FBXL13: variants seen among roughly 807,000 people sequenced by gnomAD.
FBXL13 encodes the protein F-box and leucine rich repeat protein 13.
Under a neutral mutation model 83.6 loss-of-function variants are expected in FBXL13, and 67 were observed. The observed-to-expected ratio is 0.80, with a 90% CI of 0.66 to 0.98. The LOEUF is 0.98. Among genes scored for constraint, FBXL13 ranks in the 50% least tolerant of loss-of-function variants. The pLI, the probability that FBXL13 is intolerant of heterozygous loss-of-function variation, is 0.00. For missense variants in FBXL13, 822 were observed against 866.5 expected (o/e 0.95, Z 0.64); for synonymous variants, 272 against 299.5 (o/e 0.91, Z 0.95).
At chr7:102,977,650 T>C (rs1366731040) in intron 6 of FBXL13, among the ~76,000 whole-genome samples, 1 of 152,222 alleles carries the variant, frequency 6.6e-6, no homozygotes, top group East Asian at 1.9e-4. Flanking sequence ...TACAGTTAAC[T>C]ATGTTTATTG....
chr7:102,841,272 C>A (rs1452689673), intron 17 of FBXL13, among the ~76,000 whole-genome samples: 1 of 150,656 alleles, frequency 6.6e-6, no homozygotes, highest in African/African-American at 2.4e-5. Flanking sequence ...TAACTTTTGG[C>A]AAGTTTCATC....
At chr7:102,832,006 T>C (rs1279634369) in intron 18 of FBXL13, among the ~76,000 whole-genome samples, 2 of 152,202 alleles carry the variant, frequency 1.3e-5, no homozygotes, top group Non-Finnish European at 2.9e-5. Context: ...ATTCTATTAT[T>C]TTAAAAAACA....
At chr7:102,925,261 G>A (rs1257214364) in intron 10 of FBXL13, among the ~76,000 whole-genome samples, 1 of 152,052 alleles carries the variant, frequency 6.6e-6, no homozygotes, top group African/African-American at 2.4e-5. Flanking sequence ...TGGGCATGGT[G>A]GCATGCTCCT....
At chr7:103,011,609 GC>G (rs1459070766) in intron 6 of FBXL13, among the ~76,000 whole-genome samples, 1 of 149,234 alleles carries the variant, frequency 6.7e-6, no homozygotes, top group African/African-American at 2.5e-5. Context: ...CTACACTCCA[GC>G]CTGGGAGACA....
intron 2 of FBXL13, among the ~76,000 whole-genome samples, chr7:103,052,846 T>A (rs1796962808): frequency 6.7e-6 from 1 of 149,482 alleles, no homozygotes; most frequent in East Asian, 2.0e-4. Flanking sequence ...AACCTCCGCC[T>A]CCCAGGTTCA....
chr7:102,812,903 C>T (rs927742168), downstream of FBXL13, among the ~76,000 whole-genome samples: 8 of 145,050 alleles, frequency 5.5e-5, no homozygotes, highest in African/African-American at 1.6e-4. Flanking sequence ...AATGCAGTGA[C>T]GTGATCTAGG....
chr7:102,948,477 G>A (rs2129476736), intron 8 of FBXL13, among the ~76,000 whole-genome samples: 1 of 152,110 alleles, frequency 6.6e-6, no homozygotes, highest in African/African-American at 2.4e-5. Flanking sequence ...AGGGTGGAGT[G>A]CAGTGGCATG....
intron 8 of FBXL13, among the ~76,000 whole-genome samples, chr7:102,936,798 T>C (rs1026579354): frequency 8.0e-5 from 12 of 149,550 alleles, no homozygotes; most frequent in African/African-American, 3.0e-4. Flanking sequence ...TTAAAACTTC[T>C]ACAACGAGAC....
At chr7:102,964,155 A>T (rs1428030602) in intron 7 of FBXL13, among the ~76,000 whole-genome samples, 2 of 151,850 alleles carry the variant, frequency 1.3e-5, no homozygotes, top group Non-Finnish European at 2.9e-5. Context: ...TACTAGAAAT[A>T]CAAAAATTAG....
intron 6 of FBXL13, among the ~76,000 whole-genome samples, chr7:103,008,497 AC>A (rs1465586099): frequency 6.6e-6 from 1 of 152,200 alleles, no homozygotes; most frequent in African/African-American, 2.4e-5. Flanking sequence ...TGTGTTTGCA[AC>A]TTTCCTATAA....
chr7:102,899,261 A>T (rs1812669740), intron 11 of FBXL13, among the ~76,000 whole-genome samples: 1 of 152,208 alleles, frequency 6.6e-6, no homozygotes, highest in African/African-American at 2.4e-5. Context: ...GAAATTACAG[A>T]CTCAACAGAG....
At chr7:103,006,361 G>C (rs542716141) in intron 6 of FBXL13, among the ~76,000 whole-genome samples, 2 of 152,280 alleles carry the variant, frequency 1.3e-5, no homozygotes, top group East Asian at 1.9e-4. Context: ...ATATCTACCA[G>C]GGACAAAACA....
At chr7:102,939,601 T>G (rs749936572) in intron 8 of FBXL13, 2 of 1,595,270 alleles carry the variant, frequency 1.3e-6, no homozygotes, top group Non-Finnish European at 1.7e-6. Flanking sequence ...TTCCCCTGTA[T>G]AGCCCCTTCA....
chr7:102,852,205 A>G (rs1024448524), intron 17 of FBXL13, among the ~76,000 whole-genome samples: 1 of 152,174 alleles, frequency 6.6e-6, no homozygotes, highest in African/African-American at 2.4e-5. Context: ...ATAAATCTCA[A>G]TCACTTTGGC....
At chr7:102,869,666 T>C (rs1229451966) in intron 16 of FBXL13, among the ~76,000 whole-genome samples, 1 of 152,146 alleles carries the variant, frequency 6.6e-6, no homozygotes, top group African/African-American at 2.4e-5. Context: ...TGGTGAGAGA[T>C]AGGAATCTAG....
chr7:103,007,876 C>A (rs1006635662), intron 6 of FBXL13, among the ~76,000 whole-genome samples: 39 of 152,198 alleles, frequency 2.6e-4, no homozygotes, highest in African/African-American at 9.2e-4. Context: ...GATATCCAAT[C>A]AGTGGGCCAT....
chr7:102,944,633 A>G, intron 8 of FBXL13: 1 of 1,553,104 alleles, frequency 6.4e-7, no homozygotes, highest in Non-Finnish European at 8.7e-7. Context: ...GATTGTAATT[A>G]GTTTTGTATT....
At chr7:102,835,248 G>A (rs1172420167) in intron 17 of FBXL13, among the ~76,000 whole-genome samples, 1 of 152,110 alleles carries the variant, frequency 6.6e-6, no homozygotes, top group Non-Finnish European at 1.5e-5. Flanking sequence ...TGGCAACTAC[G>A]TGATGGCAAA....
chr7:103,074,673 C>T, upstream of FBXL13: 1 of 1,286,364 alleles, frequency 7.8e-7, no homozygotes, highest in Non-Finnish European at 1.0e-6. Flanking sequence ...CGGTCTGTGT[C>T]CGCTGCCACG....
Sources: gnomAD v4.1 joint callset for allele counts (sites outside exome capture counted in the v4.1 genomes callset) on GRCh38, gnomAD v4.1.1 for gene constraint, MANE v1.5 for transcripts, NCBI Gene and HGNC (gene_info 2026-07-23, HGNC 2026-07-21) for gene names.